ZNF804A: variants seen among roughly 807,000 people sequenced by gnomAD.
The protein encoded by ZNF804A is zinc finger protein 804A.
A neutral mutation model predicts 16.5 loss-of-function variants in ZNF804A; 2 were observed. That is an observed-to-expected ratio of 0.12 (90% confidence interval 0.05 to 0.38). ZNF804A has a LOEUF of 0.38. Ranked by LOEUF, ZNF804A falls within the 10% of genes least tolerant of loss-of-function variation. The probability of loss-of-function intolerance (pLI) is 0.99; values close to 1 mark genes in which losing one functional copy is unlikely to be tolerated. For missense variants in ZNF804A, 1,473 were observed against 1,390.7 expected (o/e 1.06, Z -0.94); for synonymous variants, 534 against 489.6 (o/e 1.09, Z -1.20).
intron 2 of ZNF804A, among the ~76,000 whole-genome samples, chr2:184,870,652 T>C (rs1433479123): frequency 1.3e-5 from 2 of 152,038 alleles, no homozygotes; most frequent in Non-Finnish European, 2.9e-5. Flanking sequence ...TTAATGCTGC[T>C]CATATATATA....
intron 1 of ZNF804A, among the ~76,000 whole-genome samples, chr2:184,823,304 T>C (rs1019983431): frequency 3.9e-5 from 6 of 152,122 alleles, no homozygotes; most frequent in Admixed American, 2.0e-4. Context: ...CCACATGATT[T>C]AACACCTCCT....
In ZNF804A at chr2:184,864,875, A is replaced by ATTTTTTTTT. The variant is rs34114485; in HGVS notation, c.112-1479_112-1471dup. Among the ~76,000 whole-genome samples the ATTTTTTTTT allele has an allele frequency of 3.7e-4, 39 of 105,464 alleles. 3 individuals carry two copies. Among genetic ancestry groups the ATTTTTTTTT allele is most frequent in the African/African-American group, 1.4e-3 (32 of 22,122 alleles). 69.2% of individuals were successfully genotyped at this position (105,464 alleles called of 152,430 possible). ...TAAGAGACTTGAATATATAGTTAGGATTTTTTTTTTTTTTTTTTTTTTTGA... is the reference window on the plus strand; with the variant it reads ...TAAGAGACTTGAATATATAGTTAGGATTTTTTTTTTTTTTTTTTTTTTTTTTTTTTTTGA... On this transcript the variant is annotated intron_variant, in intron 1 of 3. Coordinates refer to ENST00000302277, the MANE Select transcript of ZNF804A (RefSeq NM_194250.2).
chr2:184,761,880 C>G (rs1296504363), intron 1 of ZNF804A, among the ~76,000 whole-genome samples: 1 of 152,030 alleles, frequency 6.6e-6, no homozygotes, highest in Non-Finnish European at 1.5e-5. Context: ...TGCTATTTAC[C>G]TCAGGTCCCT....
At chr2:184,880,137 A>C (rs1684786487) in intron 2 of ZNF804A, among the ~76,000 whole-genome samples, 1 of 152,078 alleles carries the variant, frequency 6.6e-6, no homozygotes, top group Non-Finnish European at 1.5e-5. Context: ...GACAGATAGC[A>C]AAGATGGAGC....
At chr2:184,607,248 C>G (rs1028103840) in intron 1 of ZNF804A, among the ~76,000 whole-genome samples, 1 of 152,154 alleles carries the variant, frequency 6.6e-6, no homozygotes, top group Non-Finnish European at 1.5e-5. Context: ...GTCAAGCTCT[C>G]TCTAAATTAG....
chr2:184,922,462 T>C (rs969350556), intron 2 of ZNF804A, among the ~76,000 whole-genome samples: 8 of 152,144 alleles, frequency 5.3e-5, no homozygotes, highest in African/African-American at 1.9e-4. Context: ...TTTTTTCTTA[T>C]AGAGTTGTTT....
chr2:184,693,694 TA>T (rs1373859954), intron 1 of ZNF804A, among the ~76,000 whole-genome samples: 1 of 152,182 alleles, frequency 6.6e-6, no homozygotes, highest in Non-Finnish European at 1.5e-5. Flanking sequence ...GCCTATGCAT[TA>T]TTTTTTTCTT....
Position 184,935,887 on chromosome 2 carries a change from A to C in ZNF804A, c.491A>C (p.Gln164Pro). ...GTTGTGGATTCAGTTAATAACCAGC[A>C]AGATTTCAAATATACTTTGATTCAT... Reference protein sequence around the residue: ...RVVVDSVNNQQDFKYTLIHSE... With the variant: ...RVVVDSVNNQPDFKYTLIHSE... The change falls in exon 4 of 4, where the codon CAA becomes CCA. Residue 164 changes from glutamine to proline, a missense_variant. By Grantham distance (76) the Gln-to-Pro change is moderately conservative. Transcript: ENST00000302277. The C allele has an allele frequency of 6.2e-7, 1 of 1,613,944 alleles. No homozygotes were observed. Among genetic ancestry groups the C allele is most frequent in the Non-Finnish European group, 8.5e-7 (1 of 1,179,904 alleles).
chr2:184,668,576 G>A (rs771886130), intron 1 of ZNF804A, among the ~76,000 whole-genome samples: 2 of 151,780 alleles, frequency 1.3e-5, no homozygotes, highest in Non-Finnish European at 2.9e-5. Context: ...AGCAACAGGA[G>A]CCCCTCAGAA....
rs188620484 is a variant in ZNF804A, at chr2:184,937,712, T to A, written c.2316T>A (p.Arg772=). The A allele has an allele frequency of 6.2e-7, 1 of 1,614,024 alleles. No homozygotes were observed. The highest frequency in any genetic ancestry group is 1.3e-5 in the African/African-American group (1 of 75,038). ...MNESERFYRK[R]RQHSHSYSSD... ...AATCAGAAAGATTCTATCGAAAACG[T>A]AGACAACATTCACATTCTTATTCTT... The change falls in exon 4 of 4, where the codon CGT becomes CGA. Residue 772 remains arginine (R), a synonymous_variant. Coordinates refer to ENST00000302277, the MANE Select transcript of ZNF804A (RefSeq NM_194250.2).
At chr2:184,652,145 A>T (rs1160451830) in intron 1 of ZNF804A, among the ~76,000 whole-genome samples, 1 of 152,176 alleles carries the variant, frequency 6.6e-6, no homozygotes, top group Non-Finnish European at 1.5e-5. Context: ...AGCAACATGG[A>T]TGGGGCTGGA....
chr2:184,746,322 C>T (rs1337785263), intron 1 of ZNF804A, among the ~76,000 whole-genome samples: 1 of 151,334 alleles, frequency 6.6e-6, no homozygotes, highest in African/African-American at 2.4e-5. Context: ...ACTAATCTGC[C>T]TTTATCTTTC....
intron 1 of ZNF804A, among the ~76,000 whole-genome samples, chr2:184,661,240 G>A (rs1692171137): frequency 6.6e-6 from 1 of 152,054 alleles, no homozygotes; most frequent in East Asian, 1.9e-4. Context: ...CCACCCCACA[G>A]CTCAGCATGC....
intron 2 of ZNF804A, among the ~76,000 whole-genome samples, chr2:184,905,487 C>A (rs1231819461): frequency 6.6e-6 from 1 of 152,050 alleles, no homozygotes; most frequent in Non-Finnish European, 1.5e-5. Flanking sequence ...GGATTCAAAT[C>A]ATTTTCCCTG....
chr2:184,906,980 C>G (rs1284866384), intron 2 of ZNF804A, among the ~76,000 whole-genome samples: 1 of 152,176 alleles, frequency 6.6e-6, no homozygotes, highest in Non-Finnish European at 1.5e-5. Flanking sequence ...AGATCTCTGA[C>G]TGACAGCCAA....
At chr2:184,920,485 C>G (rs2105836482) in intron 2 of ZNF804A, among the ~76,000 whole-genome samples, 1 of 152,264 alleles carries the variant, frequency 6.6e-6, no homozygotes, top group South Asian at 2.1e-4. Context: ...ATGCGGACCT[C>G]TATGGTTAAC....
At chr2:184,916,449 C>T (rs1685450388) in intron 2 of ZNF804A, among the ~76,000 whole-genome samples, 1 of 152,020 alleles carries the variant, frequency 6.6e-6, no homozygotes, top group Non-Finnish European at 1.5e-5. Context: ...TATGAGGAGA[C>T]AGAAGTCTAA....
chr2:184,688,451 A>C (rs528948804), intron 1 of ZNF804A, among the ~76,000 whole-genome samples: 2 of 151,814 alleles, frequency 1.3e-5, no homozygotes, highest in Non-Finnish European at 2.9e-5. Flanking sequence ...TAAACCTAAA[A>C]ATTTTCTTAA....
chr2:184,802,015 G>C (rs1694734658), intron 1 of ZNF804A, among the ~76,000 whole-genome samples: 2 of 152,090 alleles, frequency 1.3e-5, no homozygotes, highest in Non-Finnish European at 2.9e-5. Context: ...GTTGTCCGGG[G>C]GCTTGCTTGA....
Sources: gnomAD v4.1 joint callset for allele counts (sites outside exome capture counted in the v4.1 genomes callset) on GRCh38, gnomAD v4.1.1 for gene constraint, MANE v1.5 for transcripts, NCBI Gene and HGNC (gene_info 2026-07-23, HGNC 2026-07-21) for gene names.